The following DYM variants were observed in gnomAD, a reference collection of about 807,000 sequenced individuals.
DYM encodes dyggve-Melchior-Clausen syndrome protein.
In DYM, 78 loss-of-function variants were observed where a neutral mutation model predicts 93.1. That is an observed-to-expected ratio of 0.84 (90% CI 0.70 to 1.01). The LOEUF is 1.01. DYM is among the 50% of genes least tolerant of loss of function. DYM has a pLI of 0.00. For synonymous variants in DYM, 321 were observed against 319.7 expected, an observed-to-expected ratio of 1.00 and a Z score of -0.04; for missense variants, 789 against 845.0, an observed-to-expected ratio of 0.93 and a Z score of 0.82.
chr18:49,393,483 G>A (rs2069651043), intron 2 of DYM, among the ~76,000 whole-genome samples: 1 of 152,084 alleles, frequency 6.6e-6, no homozygotes. Context: ...AAGAAATAGG[G>A]AATTTTGACA....
chr18:49,061,506 G>C (rs2075982371), intron 17 of DYM, among the ~76,000 whole-genome samples: 1 of 152,220 alleles, frequency 6.6e-6, no homozygotes, highest in Non-Finnish European at 1.5e-5. Flanking sequence ...TACAAAGTGG[G>C]GCCACTCCAC....
intron 2 of DYM, among the ~76,000 whole-genome samples, chr18:49,405,769 A>G (rs910715140): frequency 2.0e-5 from 3 of 152,168 alleles, no homozygotes; most frequent in African/African-American, 7.2e-5. Flanking sequence ...GAAAAATGAC[A>G]TGGTAGTTTC....
intron 17 of DYM, among the ~76,000 whole-genome samples, chr18:49,056,287 G>A (rs991542243): frequency 4.6e-5 from 7 of 152,192 alleles, no homozygotes; most frequent in African/African-American, 1.4e-4. Context: ...CACTGTCAGA[G>A]TAGAAAAGAA....
chr18:49,143,510 T>C (rs978893668), intron 15 of DYM, among the ~76,000 whole-genome samples: 7 of 152,164 alleles, frequency 4.6e-5, no homozygotes, highest in African/African-American at 1.7e-4. Flanking sequence ...TTAATTCTCA[T>C]AAAATTTGGC....
chr18:49,080,767 GCTC>G (rs1434438964), intron 17 of DYM, among the ~76,000 whole-genome samples: 1 of 147,076 alleles, frequency 6.8e-6, no homozygotes, highest in East Asian at 2.1e-4. Flanking sequence ...GGGCGGAGGG[GCTC>G]CTCACTTCTC....
chr18:49,218,161 C>A (rs2093168391), intron 13 of DYM, among the ~76,000 whole-genome samples: 1 of 152,082 alleles, frequency 6.6e-6, no homozygotes, highest in African/African-American at 2.4e-5. Flanking sequence ...AGAAAGAAGG[C>A]CATTACATAA....
chr18:49,362,554 T>C (rs1053635627), intron 6 of DYM, among the ~76,000 whole-genome samples: 2 of 152,146 alleles, frequency 1.3e-5, no homozygotes, highest in African/African-American at 4.8e-5. Context: ...AGTCTCTTGG[T>C]TCATGGTGCC....
chr18:49,053,894 T>C (rs2075245814), intron 17 of DYM, among the ~76,000 whole-genome samples: 1 of 152,114 alleles, frequency 6.6e-6, no homozygotes, highest in East Asian at 1.9e-4. Flanking sequence ...TTGAACAGGG[T>C]GCGTCAGTTA....
chr18:49,282,156 T>G lies in DYM; in HGVS notation c.966A>C (p.Ser322=), dbSNP rs573357915. 1.2e-6 allele frequency: 2 copies of G among 1,613,896 alleles called. No individual in the cohort carries two copies. Among genetic ancestry groups the G allele is most frequent in the South Asian group, 2.2e-5 (2 of 91,074 alleles). ...KNTQDSSPFP[S]SIPHAFQINF... ...TGATCTGGAAGGCATGTGGAATTGA[T>G]GAGGGGAAAGGACTGCTATCTGGAA... Residue 322 remains serine, a synonymous_variant, in exon 10 of 18, where the codon TCA becomes TCC. Coordinates refer to ENST00000675505, the MANE Select transcript of DYM (RefSeq NM_001353214.3).
intron 13 of DYM, among the ~76,000 whole-genome samples, chr18:49,232,087 T>A (rs950073015): frequency 5.3e-5 from 8 of 152,322 alleles, no homozygotes; most frequent in Non-Finnish European, 1.2e-4. Flanking sequence ...GATTTTCATG[T>A]TCCCCTGCCT....
Position 49,039,851 on chromosome 18 carries a change from G to C in DYM, c.*4204C>G, listed in dbSNP as rs1345128336. On this transcript the variant is annotated 3_prime_UTR_variant, in exon 18 of 18. Coordinates refer to ENST00000675505, the MANE Select transcript of DYM (RefSeq NM_001353214.3). ...TCTGCGACAACTTTATCTGGAGTCT[G>C]TTTGGATATTTCTATTGTCTGTGTT... 6.6e-6 allele frequency: 1 copy of C among 152,180 alleles called. No individual in the cohort carries two copies. Among genetic ancestry groups the C allele is most frequent in the Non-Finnish European group, 1.5e-5 (1 of 68,024 alleles). The allele number at this position is 152,180 out of a possible 1,614,324, so 9.4% of individuals were successfully genotyped here.
intron 17 of DYM, among the ~76,000 whole-genome samples, chr18:49,080,202 T>C (rs1374772921): frequency 2.7e-5 from 2 of 73,236 alleles, no homozygotes; most frequent in Non-Finnish European, 2.5e-5. Flanking sequence ...TCTGGCCGGG[T>C]GGGGGGCTGA....
intron 13 of DYM, among the ~76,000 whole-genome samples, chr18:49,234,151 A>C (rs1295417308): frequency 1.3e-5 from 2 of 149,998 alleles, no homozygotes; most frequent in Non-Finnish European, 1.5e-5. Flanking sequence ...ACAACAACAA[A>C]ACTGAAGAGT....
At chr18:49,319,646 T>A (rs1435622562) in intron 8 of DYM, among the ~76,000 whole-genome samples, 1 of 152,210 alleles carries the variant, frequency 6.6e-6, no homozygotes, top group Non-Finnish European at 1.5e-5. Flanking sequence ...AAAGATACTC[T>A]AAGTTCCATT....
At chr18:49,178,413 G>A (rs1017098601) in intron 14 of DYM, among the ~76,000 whole-genome samples, 1 of 152,154 alleles carries the variant, frequency 6.6e-6, no homozygotes, top group Non-Finnish European at 1.5e-5. Flanking sequence ...TCAAATGTGT[G>A]TAAGGTCTTT....
At chr18:49,250,190 T>C (rs1361125687) in intron 13 of DYM, among the ~76,000 whole-genome samples, 1 of 152,208 alleles carries the variant, frequency 6.6e-6, no homozygotes, top group African/African-American at 2.4e-5. Context: ...ACTAACTATT[T>C]ATTAAAAGTC....
rs2071102835 is a variant in DYM at position 49,043,693 on chromosome 18, T to C, written c.*362A>G. The C allele has an allele frequency of 1.5e-5, 4 of 271,072 alleles. No individual in the cohort carries two copies. In the East Asian group the frequency reaches 3.5e-4, roughly 24 times the overall value. 16.8% of individuals were successfully genotyped at this position (271,072 alleles called of 1,614,324 possible). On this transcript the variant is annotated 3_prime_UTR_variant, in exon 18 of 18. Coordinates refer to ENST00000675505, the MANE Select transcript of DYM (RefSeq NM_001353214.3). ...CTACGCTTTTGAATAGTGTGCACTG[T>C]TGAATAGTGTGCACTGTTGGATAGT... is the stretch of plus-strand genomic sequence containing the variant.
intron 6 of DYM, among the ~76,000 whole-genome samples, chr18:49,340,101 G>A (rs1353334022): frequency 1.3e-5 from 2 of 151,962 alleles, no homozygotes; most frequent in Non-Finnish European, 2.9e-5. Context: ...ACAGGCACCC[G>A]CCACCACGCC....
intron 16 of DYM, among the ~76,000 whole-genome samples, chr18:49,112,427 C>T (rs2081505962): frequency 2.0e-5 from 3 of 152,052 alleles, no homozygotes; most frequent in African/African-American, 7.2e-5. Flanking sequence ...GGCTACCTAC[C>T]CCTGTGCTCT....
Sources: allele counts gnomAD v4.1 joint callset (sites outside exome capture counted in the v4.1 genomes callset), GRCh38; gene constraint gnomAD v4.1.1; transcripts MANE v1.5; gene names NCBI Gene and HGNC (gene_info 2026-07-23, HGNC 2026-07-21).